Variants in SMARCA2 observed in about 807,000 individuals in gnomAD.
The protein encoded by SMARCA2 is SWI/SNF related BAF chromatin remodeling complex subunit ATPase 2.
In SMARCA2, 61 loss-of-function variants were observed where a neutral mutation model predicts 199.8. That is an observed-to-expected ratio of 0.31 (90% CI 0.25 to 0.38). The LOEUF (loss-of-function observed/expected upper bound fraction) is 0.38, where lower values mean the gene tolerates loss of function less well. Among genes scored for constraint, SMARCA2 ranks in the 10% least tolerant of loss-of-function variants. The pLI is 1.00. For synonymous variants in SMARCA2, 935 were observed against 732.0 expected (o/e 1.28, Z -4.48); for missense variants, 1,344 against 2,012.2 (o/e 0.67, Z 6.35).
intron 27 of SMARCA2, among the ~76,000 whole-genome samples, chr9:2,130,865 T>C (rs1488243855): frequency 6.6e-6 from 1 of 152,206 alleles, no homozygotes; most frequent in African/African-American, 2.4e-5. Context: ...GGGCCACGGT[T>C]TTCCGGTTTA....
At chr9:2,087,115 T>A (rs766070169) in intron 18 of SMARCA2, 44 bp downstream of exon 18, 1 of 1,610,548 alleles carries the variant, frequency 6.2e-7, no homozygotes, top group Non-Finnish European at 8.5e-7. Context: ...GATAATGACA[T>A]GAAATGAAAG....
intron 32 of SMARCA2, among the ~76,000 whole-genome samples, chr9:2,187,536 A>G (rs1176011136): frequency 6.6e-6 from 1 of 152,064 alleles, no homozygotes; most frequent in Non-Finnish European, 1.5e-5. Context: ...GAAATAGCCA[A>G]GTGTGGTGGC....
At chr9:2,129,295 G>A (rs1823835210) in intron 27 of SMARCA2, among the ~76,000 whole-genome samples, 1 of 152,148 alleles carries the variant, frequency 6.6e-6, no homozygotes, top group African/African-American at 2.4e-5. Flanking sequence ...GCACGTGCCT[G>A]TAGTCCCAGC....
chr9:2,064,048 A>C (rs975323135), intron 9 of SMARCA2, among the ~76,000 whole-genome samples: 1 of 152,178 alleles, frequency 6.6e-6, no homozygotes, highest in Non-Finnish European at 1.5e-5. Flanking sequence ...GTTATACGAA[A>C]CTAATTTCTT....
intron 19 of SMARCA2, among the ~76,000 whole-genome samples, chr9:2,092,961 C>T (rs1249903900): frequency 2.6e-5 from 4 of 152,182 alleles, no homozygotes; most frequent in Non-Finnish European, 2.9e-5. Context: ...AAACTTCTCT[C>T]GTCACTGTGA....
chr9:2,061,079 A>C (rs925850709), intron 9 of SMARCA2, 93 bp downstream of exon 9: 59 of 1,203,408 alleles, frequency 4.9e-5, no homozygotes, highest in Non-Finnish European at 6.2e-5. Flanking sequence ...TACTTCTTAC[A>C]CTGGTGGAAG....
chr9:2,111,450 C>T (rs1363953599), intron 24 of SMARCA2, among the ~76,000 whole-genome samples: 2 of 149,936 alleles, frequency 1.3e-5, no homozygotes, highest in East Asian at 3.9e-4. Flanking sequence ...CATGATCGTA[C>T]CACCGCTCTC....
chr9:2,033,012 G>A lies in SMARCA2; in HGVS notation c.286G>A (p.Gly96Ser), dbSNP rs751493659. ...AGACATCCATTGTGGATCCATGAAGGGCACTGGTATGCGACCACCTCACCC... is the reference window on the plus strand; with the variant it reads ...AGACATCCATTGTGGATCCATGAAGAGCACTGGTATGCGACCACCTCACCC... Reference protein sequence around the residue: ...VEDIHCGSMKGTGMRPPHPGM... With the variant: ...VEDIHCGSMKSTGMRPPHPGM... Residue 96 changes from glycine (G) to serine (S), a missense_variant, in exon 3 of 34, where the codon GGC (glycine) becomes AGC (serine). Physicochemically the swap from Gly to Ser is moderately conservative, Grantham distance 56 (BLOSUM62 0). Transcript: ENST00000349721. The A allele has an allele frequency of 2.2e-5, 36 of 1,614,002 alleles. No homozygotes were observed. The highest frequency in any genetic ancestry group is 3.1e-5 in the Non-Finnish European group (36 of 1,179,872).
intron 29 of SMARCA2, among the ~76,000 whole-genome samples, chr9:2,180,039 T>A (rs1826905145): frequency 6.6e-6 from 1 of 152,210 alleles, no homozygotes; most frequent in African/African-American, 2.4e-5. Context: ...TCTTGTCATA[T>A]ACTATGTGGC....
rs962015179 is a variant in SMARCA2 at position 2,016,514 on chromosome 9, C to G, written c.-37+1110C>G. 1 of 152,744 alleles carries G rather than the reference C, an allele frequency of 6.5e-6. No homozygotes were observed. The highest frequency in any genetic ancestry group is 1.5e-5 in the Non-Finnish European group (1 of 68,514). 9.5% of individuals were successfully genotyped at this position (152,744 alleles called of 1,614,324 possible). ...CCTGCGATCGTCCGGGTGCTAGGGGCGCGCCGGGACCCAGGAGAGCCACGG... is the reference window on the plus strand; with the variant it reads ...CCTGCGATCGTCCGGGTGCTAGGGGGGCGCCGGGACCCAGGAGAGCCACGG... On this transcript the variant is annotated intron_variant, in intron 1 of 33. Transcript: ENST00000349721. The surrounding 1 kb of genome is among the most constrained non-coding windows in gnomAD (Gnocchi z 5.6).
At chr9:2,155,916 C>T (rs1232643653) in intron 27 of SMARCA2, among the ~76,000 whole-genome samples, 2 of 151,516 alleles carry the variant, frequency 1.3e-5, no homozygotes, top group Non-Finnish European at 2.9e-5. Context: ...ATCCCAGTTG[C>T]CTGACGAATG....
At chr9:2,180,896 C>G (rs1005563258) in intron 29 of SMARCA2, among the ~76,000 whole-genome samples, 1 of 152,162 alleles carries the variant, frequency 6.6e-6, no homozygotes, top group African/African-American at 2.4e-5. Context: ...CACACTTAAG[C>G]TTGTGAAACA....
At chr9:2,192,488 T>C (rs1827952487) in intron 33 of SMARCA2, 5 of 585,474 alleles carry the variant, frequency 8.5e-6, no homozygotes, top group African/African-American at 3.8e-5. Context: ...GCTTAGAGGG[T>C]GGGCTTTGCT....
chr9:2,147,807 C>A (rs1824842070), intron 27 of SMARCA2, among the ~76,000 whole-genome samples: 1 of 151,288 alleles, frequency 6.6e-6, no homozygotes, highest in Admixed American at 6.6e-5. Flanking sequence ...GAGTTCGCAC[C>A]ATTGCACTCC....
chr9:2,091,761 C>G (rs1017479602), intron 19 of SMARCA2, among the ~76,000 whole-genome samples: 2 of 152,190 alleles, frequency 1.3e-5, no homozygotes, highest in African/African-American at 4.8e-5. Flanking sequence ...CTCATTAGTG[C>G]TTGCTATTGT....
At chr9:2,047,579 A>C in intron 5 of SMARCA2, 95 bp downstream of exon 5, 1 of 1,185,442 alleles carries the variant, frequency 8.4e-7, no homozygotes, top group Non-Finnish European at 1.1e-6. Flanking sequence ...TGGTTGGCCA[A>C]ACTGTGATTT....
At chr9:2,184,359 T>TTA (rs1200439034) in intron 31 of SMARCA2, among the ~76,000 whole-genome samples, 1 of 149,878 alleles carries the variant, frequency 6.7e-6, no homozygotes, top group African/African-American at 2.5e-5. Flanking sequence ...ATATCTTTTT[T>TTA]TTTTTTTTTT....
At chr9:2,021,353 A>T (rs1818592293) in intron 1 of SMARCA2, among the ~76,000 whole-genome samples, 1 of 152,262 alleles carries the variant, frequency 6.6e-6, no homozygotes, top group African/African-American at 2.4e-5. Context: ...TTACTTAAAA[A>T]TGATAAAAAT....
Position 2,182,185 on chromosome 9 carries a change from G to C in SMARCA2, c.4404G>C (p.Glu1468Asp). The C allele has an allele frequency of 5.6e-6, 9 of 1,613,902 alleles. No individual in the cohort carries two copies. Among genetic ancestry groups the C allele is most frequent in the Non-Finnish European group, 7.6e-6 (9 of 1,179,762 alleles). ...NHKYRSLGDL[E>D]KDVMLLCHNA... is the part of the protein sequence containing the mutation. ...AGTACCGGAGCCTAGGCGACCTGGA[G>C]AAGGATGTCATGCTTCTCTGTCACA... is the stretch of plus-strand genomic sequence containing the variant. Residue 1468 changes from glutamate to aspartate, a missense_variant, in exon 31 of 34, where the codon GAG becomes GAC. By Grantham distance (45) the Glu-to-Asp change is conservative (BLOSUM62 2). Coordinates refer to ENST00000349721, the MANE Select transcript of SMARCA2 (RefSeq NM_003070.5).
Sources: allele counts gnomAD v4.1 joint callset (sites outside exome capture counted in the v4.1 genomes callset), GRCh38; gene constraint gnomAD v4.1.1; non-coding constraint Gnocchi (gnomAD v3.1); transcripts MANE v1.5; gene names NCBI Gene and HGNC (gene_info 2026-07-23, HGNC 2026-07-21).